The following WNK4 variants were observed in gnomAD, a reference collection of about 807,000 sequenced individuals.
WNK4 encodes the protein serine/threonine-protein kinase WNK4.
WNK4 carries 94 observed loss-of-function variants against 116.2 expected under a neutral mutation model. The observed-to-expected ratio is 0.81, with a 90% CI of 0.68 to 0.96. WNK4 has a LOEUF of 0.96. Ranked by LOEUF, WNK4 falls within the 40% of genes least tolerant of loss-of-function variation. The probability of loss-of-function intolerance (pLI) is 0.00; values close to 1 mark genes in which losing one functional copy is unlikely to be tolerated. For synonymous variants in WNK4, 655 were observed against 672.7 expected, an observed-to-expected ratio of 0.97 and a Z score of 0.41; for missense variants, 1,542 against 1,650.6, an observed-to-expected ratio of 0.93 and a Z score of 1.14.
chr17:42,782,824 C>T lies in WNK4; in HGVS notation c.685C>T (p.Gln229Ter). Reference sequence around the variant, plus strand: ...GGAGGTGGAGATGCTCAAGGGGCTGCAGCACCCCAACATCGTCCGCTTCTA... The same window carrying T: ...GGAGGTGGAGATGCTCAAGGGGCTGTAGCACCCCAACATCGTCCGCTTCTA... The part of the protein sequence containing the change: ...SEEVEMLKGL[Q>*]HPNIVRFYDS... The change falls in exon 2 of 19, where the codon CAG becomes TAG. Residue 229 changes from glutamine to a stop codon, truncating the protein, a stop_gained. Transcript: ENST00000246914. LOFTEE classifies it high-confidence loss of function. This position sits in a 1 kb window ranked among gnomAD's most constrained non-coding sequence, Gnocchi z 4.2. 1 of 1,614,206 alleles carries T rather than the reference C, an allele frequency of 6.2e-7. No individual in the cohort carries two copies. The highest frequency in any genetic ancestry group is 1.1e-5 in the South Asian group (1 of 91,080).
Position 42,780,725 on chromosome 17 carries a change from C to T in WNK4, c.27C>T (p.Thr9=). 1.2e-6 allele frequency: 2 copies of T among 1,609,008 alleles called. No homozygotes were observed. The highest frequency in any genetic ancestry group is 1.7e-5 in the Admixed American group (1 of 59,988). The change falls in exon 1 of 19, where the codon ACC becomes ACT. Residue 9 remains threonine (T), a synonymous_variant. Transcript: ENST00000246914. The stretch of plus-strand genomic sequence containing the variant: ...TGTTGGCATCCCCGGCCACGGAGAC[C>T]ACCGTCCTCATGTCCCAGACTGAGG... MLASPATE[T]TVLMSQTEAD...
intron 11 of WNK4, among the ~76,000 whole-genome samples, chr17:42,791,507 C>T (rs1012924234): frequency 1.3e-4 from 20 of 152,070 alleles, no homozygotes; most frequent in African/African-American, 4.3e-4. Flanking sequence ...GGCGTGGTGG[C>T]GCATGCCTGT....
chr17:42,781,085 C>T lies in WNK4; in HGVS notation c.387C>T (p.Asp129=). The change falls in exon 1 of 19, where the codon GAC becomes GAT. Residue 129 remains aspartate (D), a synonymous_variant. Transcript: ENST00000246914. The part of the protein sequence containing the change: ...AEDSARPELP[D]SAVGPGSREP... ...ACTCCGCGCGTCCCGAGCTCCCGGA[C>T]TCTGCAGTGGGCCCGGGGTCCAGGG... 3 of 1,613,274 alleles carry T rather than the reference C, an allele frequency of 1.9e-6. No individual in the cohort carries two copies. The highest frequency in any genetic ancestry group is 2.5e-6 in the Non-Finnish European group (3 of 1,179,768).
Position 42,785,581 on chromosome 17 carries a change from TG to T in WNK4, c.1476+104del. 3 of 1,333,234 alleles carry T rather than the reference TG, an allele frequency of 2.3e-6. 1 individual carries two copies. The highest frequency in any genetic ancestry group is 2.5e-5 in the South Asian group (2 of 78,654). 82.6% of individuals were successfully genotyped at this position (1,333,234 alleles called of 1,614,324 possible). A position where few individuals can be genotyped will look rare whatever the true frequency, so the allele number is the denominator to read the frequency against. On this transcript the variant is annotated intron_variant, in intron 6 of 18. Coordinates refer to ENST00000246914, the MANE Select transcript of WNK4 (RefSeq NM_032387.5). ...TGGGGCGCAGGAGGGGTGGCAGCGA[TG>T]GGGGCGGGGCACCTCACCCCTCTCA...
rs761724532 is a variant in WNK4 at position 42,787,076 on chromosome 17, C to T, written c.1477-202C>T. Among the ~76,000 whole-genome samples, 12 of 152,156 alleles carry T rather than the reference C, an allele frequency of 7.9e-5. No homozygotes were observed. In the East Asian group the frequency reaches 9.6e-4, roughly 12 times the overall value. On this transcript the variant is annotated intron_variant, in intron 6 of 18. Transcript: ENST00000246914. ...AGCTACTTCATTAATCTCTAAAAATCGAATGGTAAGATTTATCCCACAAGG... is the reference window on the plus strand; with the variant it reads ...AGCTACTTCATTAATCTCTAAAAATTGAATGGTAAGATTTATCCCACAAGG...
In WNK4 at chr17:42,796,026, C is replaced by T. The variant is rs371972756; in HGVS notation, c.3424C>T (p.Arg1142Trp). The change falls in exon 16 of 19, where the codon CGG becomes TGG. Residue 1142 changes from arginine (R) to tryptophan (W), a missense_variant. By Grantham distance (101) the Arg-to-Trp change is moderately radical. Transcript: ENST00000246914. Reference sequence around the variant, plus strand: ...GTTCTGGGCTGAGCTGCAGAGTCTTCGGCAGAAGTGAGTCTCGGGAGGATG... The same window carrying T: ...GTTCTGGGCTGAGCTGCAGAGTCTTTGGCAGAAGTGAGTCTCGGGAGGATG... ...EEFWAELQSLRQKHLSEVETL... is the reference protein window; with the variant it reads ...EEFWAELQSLWQKHLSEVETL... 2.1e-5 allele frequency: 34 copies of T among 1,613,732 alleles called. No homozygotes were observed. The highest frequency in any genetic ancestry group is 1.2e-4 in the African/African-American group (9 of 74,900).
intron 11 of WNK4, among the ~76,000 whole-genome samples, chr17:42,793,128 T>C (rs1195859555): frequency 6.6e-6 from 1 of 152,208 alleles, no homozygotes; most frequent in Admixed American, 6.5e-5. Flanking sequence ...AGGCTGTATT[T>C]CTCCTTACAC....
At position 42,794,991 on chromosome 17, in the gene WNK4, A is replaced by G. The variant is rs1198573100; in HGVS notation, c.2570A>G (p.His857Arg). Residue 857 changes from histidine to arginine, a missense_variant, in exon 14 of 19, where the codon CAC (histidine) becomes CGC (arginine). Physicochemically the swap from His to Arg is conservative, Grantham distance 29. Coordinates refer to ENST00000246914, the MANE Select transcript of WNK4 (RefSeq NM_032387.5). Reference protein sequence around the residue: ...SSQVSSNPSPHPTSSPLPFSS... With the variant: ...SSQVSSNPSPRPTSSPLPFSS... ...CAGGTCTCCTCAAATCCCTCTCCAC[A>G]CCCCACCAGCTCTCCACTTCCATTC... The G allele has an allele frequency of 6.4e-7, 1 of 1,573,992 alleles. No individual in the cohort carries two copies. Among genetic ancestry groups the G allele is most frequent in the Non-Finnish European group, 8.6e-7 (1 of 1,166,940 alleles).
In WNK4 at chr17:42,785,127, A is replaced by AAGG. The variant is rs751270244; in HGVS notation, c.1203_1204insGAG (p.Lys401_Ile402insGlu). 1 of 1,613,800 alleles carries AAGG rather than the reference A, an allele frequency of 6.2e-7. No homozygotes were observed. The highest frequency in any genetic ancestry group is 8.5e-7 in the Non-Finnish European group (1 of 1,179,964). ...AAAGCCGAACAGCTTCCACAAGGTG[A>AAGG]AGATACCCGAGGTGAAGGAGATCAT... On this transcript the variant is annotated inframe_insertion, in exon 5 of 19. Coordinates refer to ENST00000246914, the MANE Select transcript of WNK4 (RefSeq NM_032387.5).
chr17:42,781,430 A>G, intron 1 of WNK4, 114 bp downstream of exon 1: 1 of 1,406,402 alleles, frequency 7.1e-7, no homozygotes, highest in Non-Finnish European at 9.8e-7. Flanking sequence ...TTTCCAGTCA[A>G]ATGTCTATAG....
In WNK4 at chr17:42,795,268, T is replaced by C. The variant is rs749118832; in HGVS notation, c.2847T>C (p.Leu949=). Residue 949 remains leucine, a synonymous_variant, in exon 14 of 19, where the codon CTT becomes CTC. Transcript: ENST00000246914. ...TGCTGTCCCCCTCACCTGGGCTCCTTTCCCAGTCTCCTCCAGCCCCTCCTA... is the reference window on the plus strand; with the variant it reads ...TGCTGTCCCCCTCACCTGGGCTCCTCTCCCAGTCTCCTCCAGCCCCTCCTA... ...QSLLSPSPGL[L]SQSPPAPPSP... 1.2e-6 allele frequency: 2 copies of C among 1,613,658 alleles called. No homozygotes were observed. Among genetic ancestry groups the C allele is most frequent in the Non-Finnish European group, 1.7e-6 (2 of 1,179,792 alleles).
chr17:42,787,899 G>C lies in WNK4; in HGVS notation c.1863G>C (p.Ser621=), dbSNP rs768940964. The C allele has an allele frequency of 6.2e-7, 1 of 1,609,104 alleles. No homozygotes were observed. The highest frequency in any genetic ancestry group is 8.5e-7 in the Non-Finnish European group (1 of 1,179,972). Residue 621 remains serine, a splice_region_variant and synonymous_variant, in exon 8 of 19, where the codon TCG becomes TCC. Coordinates refer to ENST00000246914, the MANE Select transcript of WNK4 (RefSeq NM_032387.5). ...CTGAGTCCCATCTCTGCCTGCCCTC[G>C]GTGAGAGGGGGTCGCATGGGGGGCT... ...SLAESHLCLP[S]AFALSIPRSG...
Position 42,796,490 on chromosome 17 carries a change from G to A in WNK4, c.3641G>A (p.Arg1214Gln), listed in dbSNP as rs547118032. 6.2e-6 allele frequency: 10 copies of A among 1,613,950 alleles called. No homozygotes were observed. The East Asian group carries it at 6.7e-5, about 11-fold the overall frequency. ...RSEPPGPGIM[R>Q]RNSLSGSSTG... is the part of the protein sequence containing the mutation. The stretch of plus-strand genomic sequence containing the variant: ...CCCATCCTGCTCCCAGGCATCATGC[G>A]AAGGAACTCTCTGAGTGGCAGCAGC... Residue 1214 changes from arginine to glutamine, a missense_variant, in exon 18 of 19, where the codon CGA becomes CAA. By Grantham distance (43) the Arg-to-Gln change is conservative. Coordinates refer to ENST00000246914, the MANE Select transcript of WNK4 (RefSeq NM_032387.5).
chr17:42,785,336 G>C lies in WNK4; in HGVS notation c.1330G>C (p.Glu444Gln), dbSNP rs1434842159. The C allele has an allele frequency of 3.1e-6, 5 of 1,611,788 alleles. No individual in the cohort carries two copies. The highest frequency in any genetic ancestry group is 4.2e-6 in the Non-Finnish European group (5 of 1,179,126). Residue 444 changes from glutamate (E) to glutamine (Q), a missense_variant, in exon 6 of 19, where the codon GAG becomes CAG. By Grantham distance (29) the Glu-to-Gln change is conservative. Coordinates refer to ENST00000246914, the MANE Select transcript of WNK4 (RefSeq NM_032387.5). ...GCGCGGTGTGCACGTGGAACTAGCG[G>C]AGGAGGACGACGGCGAGAAGCCGGG... ...EERGVHVELA[E>Q]EDDGEKPGLK...
At chr17:42,795,406 G>C (rs1357797390) in intron 14 of WNK4, 24 bp downstream of exon 14, 13 of 1,614,030 alleles carry the variant, frequency 8.1e-6, no homozygotes, top group Non-Finnish European at 1.1e-5. Flanking sequence ...CAAGAGGGAT[G>C]ATTAGGGAGA....
In WNK4 at chr17:42,784,652, A is replaced by G; in HGVS notation, c.1170+73A>G. 1.9e-6 allele frequency: 3 copies of G among 1,587,766 alleles called. No homozygotes were observed. Among genetic ancestry groups the G allele is most frequent in the South Asian group, 1.1e-5 (1 of 88,322 alleles). On this transcript the variant is annotated intron_variant, in intron 4 of 18. Coordinates refer to ENST00000246914, the MANE Select transcript of WNK4 (RefSeq NM_032387.5). This position sits in a 1 kb window ranked among gnomAD's most constrained non-coding sequence, Gnocchi z 4.4. ...CCTTTTCCTGCGCCGGCCAGCCCGCAGTCAATGCCCTTTGCCTGCACGAAA... is the reference window on the plus strand; with the variant it reads ...CCTTTTCCTGCGCCGGCCAGCCCGCGGTCAATGCCCTTTGCCTGCACGAAA...
chr17:42,794,758 A>G lies in WNK4; in HGVS notation c.2351-14A>G, dbSNP rs2054644019. Reference sequence around the variant, plus strand: ...GCATGTGGGACTGTGGTCTCAACATACCCTCCTTCCCAGAAGAGCTCCAGA... The same window carrying G: ...GCATGTGGGACTGTGGTCTCAACATGCCCTCCTTCCCAGAAGAGCTCCAGA... On this transcript the variant is annotated splice_polypyrimidine_tract_variant and intron_variant, in intron 13 of 18. Coordinates refer to ENST00000246914, the MANE Select transcript of WNK4 (RefSeq NM_032387.5). 1.2e-6 allele frequency: 2 copies of G among 1,613,670 alleles called. No homozygotes were observed. Among genetic ancestry groups the G allele is most frequent in the Non-Finnish European group, 1.7e-6 (2 of 1,179,898 alleles).
rs558130466 is a variant in WNK4, at chr17:42,796,560, C to T, written c.3711C>T (p.Ala1237=). The change falls in exon 18 of 19, where the codon GCC becomes GCT. Residue 1237 remains alanine, a synonymous_variant. Transcript: ENST00000246914. The stretch of plus-strand genomic sequence containing the variant: ...GGGCAAGCAAGGGGGTGACATTCGC[C>T]GGGGATGTTGGCAGGATGGTGAGGG... The part of the protein sequence containing the change: ...EQRASKGVTF[A]GDVGRM The T allele has an allele frequency of 4.0e-5, 64 of 1,614,108 alleles. No individual in the cohort carries two copies. The South Asian group carries it at 4.6e-4, about 12-fold the overall frequency.
rs1167887250 is a variant in WNK4 at position 42,796,963 on chromosome 17, C to A, written c.*275C>A. 2 of 604,008 alleles carry A rather than the reference C, an allele frequency of 3.3e-6. No homozygotes were observed. Among genetic ancestry groups the A allele is most frequent in the Non-Finnish European group, 2.9e-6 (1 of 350,260 alleles). 37.4% of individuals were successfully genotyped at this position (604,008 alleles called of 1,614,324 possible). A position where few individuals can be genotyped will look rare whatever the true frequency, so the allele number is the denominator to read the frequency against. ...AGAGTCAACCACTAAGCAATCCCAC[C>A]CAAGCCTGGATGCTTCTAGAGGGGC... On this transcript the variant is annotated 3_prime_UTR_variant, in exon 19 of 19. Coordinates refer to ENST00000246914, the MANE Select transcript of WNK4 (RefSeq NM_032387.5).
Sources: gnomAD v4.1 joint callset for allele counts (sites outside exome capture counted in the v4.1 genomes callset) on GRCh38, gnomAD v4.1.1 for gene constraint, Gnocchi (gnomAD v3.1) non-coding constraint, MANE v1.5 for transcripts, NCBI Gene and HGNC (gene_info 2026-07-23, HGNC 2026-07-21) for gene names.